PPM1H: variants seen among roughly 807,000 people sequenced by gnomAD.
The protein encoded by PPM1H is protein phosphatase 1H.
PPM1H carries 27 observed loss-of-function variants against 54.9 expected under a neutral mutation model. That is an observed-to-expected ratio of 0.49 (90% confidence interval 0.36 to 0.68). PPM1H has a LOEUF of 0.68. PPM1H is among the 30% of genes least tolerant of loss of function. The pLI is 0.00. For synonymous variants in PPM1H, 305 were observed against 270.8 expected (o/e 1.13, Z -1.24); for missense variants, 596 against 667.8 (o/e 0.89, Z 1.19).
In PPM1H at chr12:62,693,927, C is replaced by A; in HGVS notation, c.1137+9G>T. On this transcript the variant is annotated intron_variant, in intron 7 of 9. Transcript: ENST00000228705. ...GTCCTCTCTACCCAGGGGAAGCACA[C>A]GTGCCTACCTTCTTGCCTTCTCCAT... 1.1e-5 allele frequency: 18 copies of A among 1,610,462 alleles called. No individual in the cohort carries two copies. The highest frequency in any genetic ancestry group is 1.4e-5 in the Non-Finnish European group (17 of 1,178,264).
intron 1 of PPM1H, among the ~76,000 whole-genome samples, chr12:62,883,093 T>C (rs1266962978): frequency 6.6e-6 from 1 of 152,220 alleles, no homozygotes; most frequent in East Asian, 1.9e-4. Flanking sequence ...GAAACTGTTT[T>C]TGCTAGCCCA....
At position 62,655,055 on chromosome 12, in the gene PPM1H, C is replaced by T. The variant is rs115397281; in HGVS notation, c.1398-6419G>A. Among the ~76,000 whole-genome samples, 1,074 of 152,276 alleles carry T rather than the reference C, an allele frequency of 7.1e-3. 12 individuals carry two copies. Among genetic ancestry groups the T allele is most frequent in the African/African-American group, 0.024 (1,002 of 41,548 alleles). On this transcript the variant is annotated intron_variant, in intron 9 of 9. Coordinates refer to ENST00000228705, the MANE Select transcript of PPM1H (RefSeq NM_020700.2). ...ATGCTGCACTCCATAGGTGACAGTACGAATGCTCTAGGACCAGCTTCCTGA... is the reference window on the plus strand; with the variant it reads ...ATGCTGCACTCCATAGGTGACAGTATGAATGCTCTAGGACCAGCTTCCTGA...
intron 6 of PPM1H, among the ~76,000 whole-genome samples, chr12:62,706,322 G>T (rs2076173990): frequency 6.6e-6 from 1 of 152,064 alleles, no homozygotes; most frequent in Non-Finnish European, 1.5e-5. Context: ...TATTATTCAG[G>T]CCGCCAAGGC....
intron 3 of PPM1H, among the ~76,000 whole-genome samples, chr12:62,793,736 GT>G (rs2076714160): frequency 1.5e-5 from 1 of 66,366 alleles, no homozygotes; most frequent in East Asian, 4.2e-4. Flanking sequence ...GAGAAACTCC[GT>G]TTCAAAAAAA....
chr12:62,774,041 T>C (rs2076594749), intron 4 of PPM1H, among the ~76,000 whole-genome samples: 1 of 152,200 alleles, frequency 6.6e-6, no homozygotes, highest in Non-Finnish European at 1.5e-5. Context: ...AAGTGATATG[T>C]CTGACAAAAG....
At chr12:62,792,644 C>T (rs1027449521) in intron 3 of PPM1H, among the ~76,000 whole-genome samples, 3 of 152,162 alleles carry the variant, frequency 2.0e-5, no homozygotes, top group Non-Finnish European at 4.4e-5. Context: ...GATTCACTGT[C>T]GTTAAAACAC....
chr12:62,849,272 T>C (rs906504117), intron 1 of PPM1H, among the ~76,000 whole-genome samples: 4 of 152,182 alleles, frequency 2.6e-5, no homozygotes, highest in African/African-American at 7.2e-5. Context: ...CAACACACTT[T>C]TACTAGAAAG....
chr12:62,803,633 G>A (rs1044229308), intron 2 of PPM1H, among the ~76,000 whole-genome samples: 1 of 152,120 alleles, frequency 6.6e-6, no homozygotes, highest in African/African-American at 2.4e-5. Context: ...CTTGATATTG[G>A]TCTTGGCAAT....
chr12:62,870,958 T>C lies in PPM1H; in HGVS notation c.246-38679A>G, dbSNP rs541222055. On this transcript the variant is annotated intron_variant, in intron 1 of 9. Coordinates refer to ENST00000228705, the MANE Select transcript of PPM1H (RefSeq NM_020700.2). The stretch of plus-strand genomic sequence containing the variant: ...GAGAAATTAGAACCCTTATCACTGG[T>C]GGTGGGAAGGTAAAATGGTGCAGCC... 5.3e-5 allele frequency among the ~76,000 whole-genome samples: 8 copies of C among 152,298 alleles called. No homozygotes were observed. In the South Asian group the frequency reaches 8.3e-4, roughly 16 times the overall value.
intron 1 of PPM1H, among the ~76,000 whole-genome samples, chr12:62,865,481 C>T (rs1869743429): frequency 6.6e-6 from 1 of 152,188 alleles, no homozygotes; most frequent in Non-Finnish European, 1.5e-5. Context: ...GAACTTCACC[C>T]TCACTTGAAT....
intron 1 of PPM1H, among the ~76,000 whole-genome samples, chr12:62,838,837 C>T (rs1008953884): frequency 1.9e-5 from 2 of 104,956 alleles, no homozygotes; most frequent in Non-Finnish European, 1.8e-5. Context: ...AGGAGAATGG[C>T]GTGAACCCGG....
chr12:62,798,389 G>C (rs750941237), intron 3 of PPM1H, among the ~76,000 whole-genome samples: 1 of 152,156 alleles, frequency 6.6e-6, no homozygotes, highest in African/African-American at 2.4e-5. Context: ...ATCTGCTTAG[G>C]AACAAAAGGA....
chr12:62,934,436 C>A lies in PPM1H; in HGVS notation c.245+56G>T. 6.7e-7 allele frequency: 1 copy of A among 1,481,546 alleles called. No individual in the cohort carries two copies. Among genetic ancestry groups the A allele is most frequent in the South Asian group, 1.3e-5 (1 of 75,006 alleles). 91.8% of individuals were successfully genotyped at this position (1,481,546 alleles called of 1,614,324 possible). A position where few individuals can be genotyped will look rare whatever the true frequency, so the allele number is the denominator to read the frequency against. Reference sequence around the variant, plus strand: ...AGCAGGGAGAGAAGAGGGCTGGAACCGTGCGGGGAAGGGCCGCGAGGAGAG... The same window carrying A: ...AGCAGGGAGAGAAGAGGGCTGGAACAGTGCGGGGAAGGGCCGCGAGGAGAG... On this transcript the variant is annotated intron_variant, in intron 1 of 9. Transcript: ENST00000228705. This position sits in a 1 kb window ranked among gnomAD's most constrained non-coding sequence, Gnocchi z 4.2.
chr12:62,920,302 G>C (rs1871752894), intron 1 of PPM1H, among the ~76,000 whole-genome samples: 1 of 152,030 alleles, frequency 6.6e-6, no homozygotes. Flanking sequence ...CCTCTTTTAT[G>C]TTACAAAAAA....
chr12:62,830,332 T>C (rs537630310), intron 2 of PPM1H, among the ~76,000 whole-genome samples: 69 of 152,324 alleles, frequency 4.5e-4, no homozygotes, highest in Admixed American at 4.0e-3. Flanking sequence ...CTCAGCTCAC[T>C]GCAAGCTCTG....
Position 62,704,611 on chromosome 12 carries a change from G to A in PPM1H, c.1074-10612C>T, listed in dbSNP as rs1400866355. ...ATAGACTTCTGCTAATATAGTGCAA[G>A]TTAGATTCAGGCACAAATAGTACCT... On this transcript the variant is annotated intron_variant, in intron 6 of 9. Coordinates refer to ENST00000228705, the MANE Select transcript of PPM1H (RefSeq NM_020700.2). Among the ~76,000 whole-genome samples, 3 of 152,196 alleles carry A rather than the reference G, an allele frequency of 2.0e-5. No individual in the cohort carries two copies. The East Asian group carries it at 5.8e-4, about 29-fold the overall frequency.
At position 62,667,210 on chromosome 12, in the gene PPM1H, A is replaced by G. The variant is rs529256169; in HGVS notation, c.1365T>C (p.Phe455=). 56 of 1,601,820 alleles carry G rather than the reference A, an allele frequency of 3.5e-5. 1 individual carries two copies. The Middle Eastern group carries it at 6.6e-4, about 19-fold the overall frequency. The change falls in exon 9 of 10, where the codon TTT becomes TTC. Residue 455 remains phenylalanine (F), a synonymous_variant. Transcript: ENST00000228705. ...GATCATCTGGATCACAGTTAGGAAG[A>G]AACTGAGTGATTGCTTCTGCTACTT... ...NEEVAEAITQ[F]LPNCDPDDPH...
chr12:62,923,485 T>C (rs1871869111), intron 1 of PPM1H, among the ~76,000 whole-genome samples: 2 of 152,146 alleles, frequency 1.3e-5, no homozygotes, highest in Non-Finnish European at 2.9e-5. Context: ...CACTGCAACC[T>C]CTGCCTCCCG....
intron 9 of PPM1H, among the ~76,000 whole-genome samples, chr12:62,652,006 C>A (rs1407724011): frequency 2.0e-5 from 3 of 152,180 alleles, no homozygotes; most frequent in African/African-American, 7.2e-5. Context: ...TTCTTAATTT[C>A]CTTTGTAGGC....
Sources: gnomAD v4.1 joint callset for allele counts (sites outside exome capture counted in the v4.1 genomes callset) on GRCh38, gnomAD v4.1.1 for gene constraint, Gnocchi (gnomAD v3.1) non-coding constraint, MANE v1.5 for transcripts, NCBI Gene and HGNC (gene_info 2026-07-23, HGNC 2026-07-21) for gene names.